The following SHPRH variants were observed in gnomAD, a reference collection of about 807,000 sequenced individuals.
SHPRH encodes E3 ubiquitin-protein ligase SHPRH.
Under a neutral mutation model 202.5 loss-of-function variants are expected in SHPRH, and 106 were observed. That is an observed-to-expected ratio of 0.52 (90% CI 0.45 to 0.62). The LOEUF (loss-of-function observed/expected upper bound fraction) is 0.62. Among genes scored for constraint, SHPRH ranks in the 20% least tolerant of loss-of-function variants. The pLI, the probability that SHPRH is intolerant of heterozygous loss-of-function variation, is 0.00. For missense variants in SHPRH, 1,710 were observed against 2,020.0 expected (o/e 0.85, Z 2.94); for synonymous variants, 729 against 686.0 (o/e 1.06, Z -0.98).
At chr6:145,948,512 A>G (rs1787635556) in intron 4 of SHPRH, among the ~76,000 whole-genome samples, 162 bp from the exon 5 acceptor site, 1 of 152,032 alleles carries the variant, frequency 6.6e-6, no homozygotes, top group Non-Finnish European at 1.5e-5. Context: ...ACACATGAGT[A>G]AAAAGCTAAA....
At chr6:145,894,853 A>G in intron 26 of SHPRH, 32 bp downstream of exon 26, 1 of 1,598,986 alleles carries the variant, frequency 6.3e-7, no homozygotes, top group Non-Finnish European at 8.6e-7. Flanking sequence ...ATCAGTTCGA[A>G]TTAATATTGA....
At chr6:145,963,697 C>T (rs556656566) in intron 1 of SHPRH, 34 bp downstream of exon 1, 5 of 152,226 alleles carry the variant, frequency 3.3e-5, no homozygotes, top group African/African-American at 7.2e-5. Context: ...CAGTTCCAGC[C>T]TCCGGGGGTA....
At chr6:145,887,225 G>A (rs938192915) in intron 29 of SHPRH, among the ~76,000 whole-genome samples, 1 of 152,092 alleles carries the variant, frequency 6.6e-6, no homozygotes, top group Non-Finnish European at 1.5e-5. Context: ...TAGGTAAAAA[G>A]GCCCTTGTGG....
chr6:145,943,496 T>C lies in SHPRH; in HGVS notation c.1885A>G (p.Thr629Ala). Residue 629 changes from threonine to alanine, a missense_variant, in exon 9 of 30, where the codon ACA (threonine) becomes GCA (alanine). Thr to Ala is a moderately conservative substitution (Grantham distance 58). Coordinates refer to ENST00000275233, the MANE Select transcript of SHPRH (RefSeq NM_001042683.3). ...TTTAGAGATTCAGCACAGTCCTCTG[T>C]TTCATGTTCTTGGTTGAATTCAGAG... ...CISEFNQEHE[T>A]EDCAESLNHA... The C allele has an allele frequency of 2.5e-6, 4 of 1,614,054 alleles. No individual in the cohort carries two copies. The highest frequency in any genetic ancestry group is 8.5e-7 in the Non-Finnish European group (1 of 1,179,946).
At chr6:145,893,126 TATG>T (rs1781711822) in intron 28 of SHPRH, 86 bp downstream of exon 28, 1 of 1,156,346 alleles carries the variant, frequency 8.6e-7, no homozygotes, top group South Asian at 3.3e-5. Context: ...ACAAGTACGC[TATG>T]ATGAACATAA....
At chr6:145,952,660 A>C (rs962123905) in intron 2 of SHPRH, among the ~76,000 whole-genome samples, 182 bp from the exon 3 acceptor site, 1 of 152,110 alleles carries the variant, frequency 6.6e-6, no homozygotes, top group Non-Finnish European at 1.5e-5. Flanking sequence ...AACAAATTAT[A>C]AATGTAAGTG....
At chr6:145,948,945 C>T (rs1047103808) in intron 4 of SHPRH, among the ~76,000 whole-genome samples, 5 of 151,964 alleles carry the variant, frequency 3.3e-5, no homozygotes, top group African/African-American at 9.7e-5. Flanking sequence ...AAATAAGTAG[C>T]ATGTCTCTAC....
At chr6:145,914,757 A>G (rs1014585327) in intron 23 of SHPRH, among the ~76,000 whole-genome samples, 1 of 152,092 alleles carries the variant, frequency 6.6e-6, no homozygotes, top group East Asian at 1.9e-4. Flanking sequence ...GTCAATTTCT[A>G]TTAAACTTTT....
intron 1 of SHPRH, among the ~76,000 whole-genome samples, chr6:145,961,029 A>T (rs1042947910): frequency 1.3e-5 from 2 of 151,766 alleles, no homozygotes; most frequent in Middle Eastern, 3.2e-3. Context: ...TGTTGATCTG[A>T]CAGGAGGCAC....
chr6:145,958,682 G>A (rs1000102762), intron 1 of SHPRH, among the ~76,000 whole-genome samples: 1 of 152,128 alleles, frequency 6.6e-6, no homozygotes, highest in African/African-American at 2.4e-5. Flanking sequence ...GTTATTGGCT[G>A]CATGTGACTA....
intron 28 of SHPRH, 80 bp downstream of exon 28, chr6:145,893,135 C>A: frequency 2.4e-6 from 3 of 1,255,722 alleles, no homozygotes; most frequent in South Asian, 2.9e-5. Flanking sequence ...CTATGATGAA[C>A]ATAAATGAAG....
chr6:145,898,196 T>C (rs1782180127), intron 25 of SHPRH, among the ~76,000 whole-genome samples: 1 of 151,876 alleles, frequency 6.6e-6, no homozygotes, highest in Non-Finnish European at 1.5e-5. Context: ...GTAGCATTTC[T>C]ATACCTAACA....
At position 145,928,809 on chromosome 6, in the gene SHPRH, A is replaced by G. The variant is rs563761743; in HGVS notation, c.3113-1532T>C. On this transcript the variant is annotated intron_variant, in intron 14 of 29. Coordinates refer to ENST00000275233, the MANE Select transcript of SHPRH (RefSeq NM_001042683.3). Reference sequence around the variant, plus strand: ...AAAGCTTTCTAAAACACACATTATCAAAGAACTGTAGTCAGCCAATTTCTA... The same window carrying G: ...AAAGCTTTCTAAAACACACATTATCGAAGAACTGTAGTCAGCCAATTTCTA... Among the ~76,000 whole-genome samples the G allele has an allele frequency of 2.0e-5, 3 of 152,066 alleles. No homozygotes were observed. The South Asian group carries it at 6.2e-4, about 31-fold the overall frequency.
chr6:145,918,404 T>G (rs1379405975), intron 22 of SHPRH, 172 bp from the exon 23 acceptor site: 1 of 348,296 alleles, frequency 2.9e-6, no homozygotes, highest in African/African-American at 2.2e-5. Context: ...TCAAATGATT[T>G]TTTTTTTTTT....
chr6:145,878,690 T>C (rs1780417396), intron 2 of SHPRH, among the ~76,000 whole-genome samples: 1 of 152,352 alleles, frequency 6.6e-6, no homozygotes, highest in Middle Eastern at 3.4e-3. Context: ...GACTTTTGTC[T>C]ACTATGAGAA....
chr6:145,919,305 A>T (rs560308265), intron 22 of SHPRH, 43 bp downstream of exon 22: 3 of 1,609,682 alleles, frequency 1.9e-6, no homozygotes, highest in Admixed American at 3.3e-5. Flanking sequence ...TATCTGTGAC[A>T]TCTGCTTGCT....
chr6:145,920,933 A>C (rs1784385830), intron 21 of SHPRH, among the ~76,000 whole-genome samples: 1 of 152,084 alleles, frequency 6.6e-6, no homozygotes, highest in Non-Finnish European at 1.5e-5. Flanking sequence ...AGTTTCATAT[A>C]AGTTCCAGTT....
chr6:145,912,049 A>G (rs1439757776), intron 24 of SHPRH, among the ~76,000 whole-genome samples: 1 of 151,940 alleles, frequency 6.6e-6, no homozygotes, highest in Admixed American at 6.6e-5. Context: ...TGGACCAACT[A>G]AACATCAAGA....
At chr6:145,883,175 G>A (rs1780713856), downstream of SHPRH, 1 of 152,150 alleles carries the variant, frequency 6.6e-6, no homozygotes, top group Non-Finnish European at 1.5e-5. Flanking sequence ...TACAGATAAT[G>A]GAGGCTGTTT....
Sources: allele counts gnomAD v4.1 joint callset (sites outside exome capture counted in the v4.1 genomes callset), GRCh38; gene constraint gnomAD v4.1.1; transcripts MANE v1.5; gene names NCBI Gene and HGNC (gene_info 2026-07-23, HGNC 2026-07-21).